SPTLC2: variants seen among roughly 807,000 people sequenced by gnomAD.
The protein encoded by SPTLC2 is serine palmitoyltransferase 2.
Under a neutral mutation model 62.0 loss-of-function variants are expected in SPTLC2, and 21 were observed. The ratio of observed to expected loss-of-function variants is 0.34; its 90% CI spans 0.24 to 0.49. SPTLC2 has a LOEUF of 0.49. Among genes scored for constraint, SPTLC2 ranks in the 20% least tolerant of loss-of-function variants. SPTLC2 has a pLI of 0.99. For missense variants in SPTLC2, 511 were observed against 713.0 expected (o/e 0.72, Z 3.23); for synonymous variants, 261 against 261.8 (o/e 1.00, Z 0.03).
intron 8 of SPTLC2, among the ~76,000 whole-genome samples, chr14:77,553,859 G>A (rs1306144522): frequency 1.3e-5 from 2 of 152,020 alleles, no homozygotes; most frequent in Non-Finnish European, 2.9e-5. Context: ...CTGTTGCCCA[G>A]GCTGCAATGC....
In SPTLC2 at chr14:77,555,533, A is replaced by C. The variant is rs2079578421; in HGVS notation, c.957-14T>G. 1.2e-6 allele frequency: 2 copies of C among 1,612,056 alleles called. No individual in the cohort carries two copies. Among genetic ancestry groups the C allele is most frequent in the Admixed American group, 1.7e-5 (1 of 59,946 alleles). ...GATCCCTCCATGCTGGCAAAACATG[A>C]AAAAATATATATATACACATATACA... On this transcript the variant is annotated splice_polypyrimidine_tract_variant and intron_variant, in intron 7 of 11. Coordinates refer to ENST00000216484, the MANE Select transcript of SPTLC2 (RefSeq NM_004863.4).
At chr14:77,577,920 A>C (rs768755528) in intron 3 of SPTLC2, among the ~76,000 whole-genome samples, 1 of 144,218 alleles carries the variant, frequency 6.9e-6, no homozygotes, top group Non-Finnish European at 1.5e-5. Context: ...CAAGGTGGGC[A>C]GATCACTTGA....
chr14:77,575,280 T>C (rs2079708314), intron 4 of SPTLC2, among the ~76,000 whole-genome samples: 2 of 152,180 alleles, frequency 1.3e-5, no homozygotes, highest in Admixed American at 6.5e-5. Context: ...GATATAAAAA[T>C]CTGCACAATT....
intron 11 of SPTLC2, among the ~76,000 whole-genome samples, chr14:77,516,001 T>TGTGTGG (rs2079357063): frequency 4.5e-5 from 1 of 22,414 alleles, no homozygotes. Context: ...TGTGTGTGTG[T>TGTGTGG]GTGTGCGCGC....
At chr14:77,590,678 C>T (rs1301688610) in intron 2 of SPTLC2, among the ~76,000 whole-genome samples, 1 of 152,164 alleles carries the variant, frequency 6.6e-6, no homozygotes, top group Admixed American at 6.5e-5. Context: ...CGCCATTGCA[C>T]TCCAGCCTGG....
intron 9 of SPTLC2, among the ~76,000 whole-genome samples, chr14:77,534,218 A>G (rs1410476062): frequency 6.8e-6 from 1 of 146,028 alleles, no homozygotes; most frequent in Admixed American, 6.9e-5. Context: ...ACACACACAC[A>G]CAAATGCATA....
chr14:77,533,189 A>G (rs998878829), intron 9 of SPTLC2, among the ~76,000 whole-genome samples: 4 of 151,906 alleles, frequency 2.6e-5, no homozygotes, highest in Non-Finnish European at 4.4e-5. Context: ...AGTTCCAGCT[A>G]CTTGGGAGGC....
chr14:77,612,456 C>G (rs572196414), intron 1 of SPTLC2, among the ~76,000 whole-genome samples: 1 of 152,318 alleles, frequency 6.6e-6, no homozygotes, highest in Non-Finnish European at 1.5e-5. Flanking sequence ...ATGTAAGAAT[C>G]AAGATATGCT....
chr14:77,516,899 T>C (rs1233510279), intron 11 of SPTLC2, among the ~76,000 whole-genome samples: 2 of 152,234 alleles, frequency 1.3e-5, no homozygotes, highest in Non-Finnish European at 2.9e-5. Context: ...ATACAAAATG[T>C]CCATCAAATT....
chr14:77,532,951 A>G (rs967423122), intron 9 of SPTLC2, among the ~76,000 whole-genome samples: 1 of 152,182 alleles, frequency 6.6e-6, no homozygotes, highest in Non-Finnish European at 1.5e-5. Flanking sequence ...CCATAGTAGC[A>G]AAGCATGAAC....
rs1052678684 is a variant in SPTLC2 at position 77,584,998 on chromosome 14, GTGCCAC to G, written c.328-5895_328-5890del. Among the ~76,000 whole-genome samples, 7 of 152,216 alleles carry G rather than the reference GTGCCAC, an allele frequency of 4.6e-5. 1 individual carries two copies. The highest frequency in any genetic ancestry group is 1.7e-4 in the African/African-American group (7 of 41,450). ...TGGGTCGGCACCAGCGCGATTCTAT[GTGCCAC>G]TGCCTATTCACCAGCCTCTGGCAGT... On this transcript the variant is annotated intron_variant, in intron 2 of 11. Coordinates refer to ENST00000216484, the MANE Select transcript of SPTLC2 (RefSeq NM_004863.4).
chr14:77,588,225 A>C (rs1398603621), intron 2 of SPTLC2, among the ~76,000 whole-genome samples: 1 of 152,176 alleles, frequency 6.6e-6, no homozygotes, highest in Non-Finnish European at 1.5e-5. Context: ...GGTATGAGCC[A>C]CCACACCCAG....
At chr14:77,534,001 A>ATACAAAAAT (rs1333717233) in intron 9 of SPTLC2, among the ~76,000 whole-genome samples, 24 of 152,120 alleles carry the variant, frequency 1.6e-4, no homozygotes, top group Non-Finnish European at 3.4e-4. Context: ...TTTACAAAAA[A>ATACAAAAAT]TACAAAAATT....
At chr14:77,585,888 T>C (rs11847977) in intron 2 of SPTLC2, among the ~76,000 whole-genome samples, 7,409 of 152,164 alleles carry the variant, frequency 0.049, 607 homozygotes, top group African/African-American at 0.17. Flanking sequence ...CTAAACCTCA[T>C]ACCTTATACA....
chr14:77,573,065 T>C (rs1747470865), intron 4 of SPTLC2, among the ~76,000 whole-genome samples: 1 of 152,204 alleles, frequency 6.6e-6, no homozygotes, highest in Non-Finnish European at 1.5e-5. Flanking sequence ...ACTTGGCTAA[T>C]TGCTTGGTGT....
intron 9 of SPTLC2, chr14:77,535,884 G>A: frequency 4.6e-6 from 2 of 438,806 alleles, no homozygotes; most frequent in East Asian, 7.3e-5. Flanking sequence ...GAAGTAGACA[G>A]GTTCAAAGAT....
chr14:77,530,036 TTTAAA>T (rs1266100156), intron 9 of SPTLC2, among the ~76,000 whole-genome samples: 2 of 152,228 alleles, frequency 1.3e-5, no homozygotes, highest in Non-Finnish European at 2.9e-5. Flanking sequence ...TTTATATTAA[TTTAAA>T]TTAAGAATTC....
intron 9 of SPTLC2, among the ~76,000 whole-genome samples, chr14:77,532,704 A>G (rs1027853130): frequency 1.8e-4 from 28 of 152,050 alleles, no homozygotes; most frequent in African/African-American, 6.8e-4. Flanking sequence ...GAATGGTGTG[A>G]ACCCAGGAGG....
chr14:77,582,751 G>A (rs11623114), intron 2 of SPTLC2, among the ~76,000 whole-genome samples: 1 of 152,180 alleles, frequency 6.6e-6, no homozygotes, highest in African/African-American at 2.4e-5. Context: ...GGGTAAAGGA[G>A]GAGAAGCTGT....
Sources: gnomAD v4.1 joint callset for allele counts (sites outside exome capture counted in the v4.1 genomes callset) on GRCh38, gnomAD v4.1.1 for gene constraint, MANE v1.5 for transcripts, NCBI Gene and HGNC (gene_info 2026-07-23, HGNC 2026-07-21) for gene names.